The following FAM200B variants were observed in gnomAD, a reference collection of about 807,000 sequenced individuals.
The protein encoded by FAM200B is zinc finger BED-type containing 11, also known as protein FAM200B.
In FAM200B, 32 loss-of-function variants were observed where a neutral mutation model predicts 33.1. That is an observed-to-expected ratio of 0.97 (90% CI 0.73 to 1.30). The LOEUF (loss-of-function observed/expected upper bound fraction) is 1.30, where lower values mean the gene tolerates loss of function less well. Ranked by LOEUF, FAM200B falls within the 50% of genes most tolerant of loss-of-function variation. The probability of loss-of-function intolerance (pLI) is 0.00; values close to 1 mark genes in which losing one functional copy is unlikely to be tolerated. For missense variants in FAM200B, 741 were observed against 754.0 expected, an observed-to-expected ratio of 0.98 and a Z score of 0.20; for synonymous variants, 240 against 264.8, an observed-to-expected ratio of 0.91 and a Z score of 0.91.
At chr4:15,675,835 G>A in the FAM200B span, among the ~76,000 whole-genome samples, 2 of 151,948 alleles carry the variant, frequency 1.3e-5, no homozygotes, top group African/African-American at 2.4e-5. Context: ...CGCCTGCCTC[G>A]GCCTCCCAAA....
At chr4:15,673,538 T>C in the FAM200B span, among the ~76,000 whole-genome samples, 2 of 152,184 alleles carry the variant, frequency 1.3e-5, no homozygotes, top group Admixed American at 6.5e-5. Flanking sequence ...ATCTATGACA[T>C]CACTAGGTGG....
In FAM200B at chr4:15,689,255, G is replaced by T; in HGVS notation, c.*304G>T. The T allele has an allele frequency of 4.7e-6, 1 of 214,528 alleles. No individual in the cohort carries two copies. The allele number at this position is 214,528 out of a possible 1,614,324, so 13.3% of individuals were successfully genotyped here. A position where few individuals can be genotyped will look rare whatever the true frequency, so the allele number is the denominator to read the frequency against. On this transcript the variant is annotated 3_prime_UTR_variant, in exon 2 of 2. Coordinates refer to ENST00000422728, the MANE Select transcript of FAM200B (RefSeq NM_001145191.2). Reference sequence around the variant, plus strand: ...TAATAAATAAGGTTTATAATATTTAGAAGCTATTAAGTGCTATGGAAAGAG... The same window carrying T: ...TAATAAATAAGGTTTATAATATTTATAAGCTATTAAGTGCTATGGAAAGAG...
chr4:15,683,135 T>C (rs1718497643), intron 1 of FAM200B, among the ~76,000 whole-genome samples: 1 of 152,212 alleles, frequency 6.6e-6, no homozygotes, highest in Non-Finnish European at 1.5e-5. Flanking sequence ...AATCATTGCA[T>C]TAAGCAAGTA....
At chr4:15,662,496 A>G in the FAM200B span, among the ~76,000 whole-genome samples, 5 of 152,210 alleles carry the variant, frequency 3.3e-5, no homozygotes, top group African/African-American at 1.2e-4. Context: ...CTATCTTTTA[A>G]TATTGCTATA....
the FAM200B span, among the ~76,000 whole-genome samples, chr4:15,647,127 A>AC: frequency 1.3e-5 from 2 of 149,702 alleles, no homozygotes; most frequent in Non-Finnish European, 3.0e-5. Flanking sequence ...GGAGGCTGAG[A>AC]CAGGAGAATC....
chr4:15,647,457 G>C, the FAM200B span, among the ~76,000 whole-genome samples: 1 of 152,014 alleles, frequency 6.6e-6, no homozygotes, highest in Non-Finnish European at 1.5e-5. Flanking sequence ...TGGGTGTCCT[G>C]AAAACAATCT....
chr4:15,655,613 G>C, the FAM200B span, among the ~76,000 whole-genome samples: 295 of 152,326 alleles, frequency 1.9e-3, 1 homozygote, highest in African/African-American at 7.0e-3. Flanking sequence ...AGTAGCTGAG[G>C]GTAGGGGAAA....
Position 15,687,931 on chromosome 4 carries a change from TA to T in FAM200B, c.956del (p.Asn319MetfsTer15), listed in dbSNP as rs2148865077. ...VIKKLLEVTN[N>X]GAVWNHCFIH... ...TTAAAAAATTACTAGAAGTTACTAA[TA>T]ATGGTGCTGTGTGGAATCATTGTTT... is the stretch of plus-strand genomic sequence containing the variant. On this transcript the variant is annotated frameshift_variant, in exon 2 of 2. Transcript: ENST00000422728. LOFTEE classifies it high-confidence loss of function. 3.2e-6 allele frequency: 5 copies of T among 1,551,036 alleles called. No homozygotes were observed. Among genetic ancestry groups the T allele is most frequent in the Non-Finnish European group, 4.4e-6 (5 of 1,146,536 alleles).
the FAM200B span, among the ~76,000 whole-genome samples, chr4:15,672,015 G>T: frequency 1.3e-5 from 2 of 152,134 alleles, no homozygotes; most frequent in African/African-American, 4.8e-5. Flanking sequence ...ATCCTTGCTA[G>T]TTTGGAGATT....
chr4:15,650,749 T>C, the FAM200B span, among the ~76,000 whole-genome samples: 1 of 146,586 alleles, frequency 6.8e-6, no homozygotes, highest in East Asian at 2.0e-4. Flanking sequence ...AATTCTGCCT[T>C]AGCCTCCTGA....
At chr4:15,674,672 C>CA in the FAM200B span, among the ~76,000 whole-genome samples, 1 of 147,156 alleles carries the variant, frequency 6.8e-6, no homozygotes, top group East Asian at 2.0e-4. Context: ...TTTTTTGAGA[C>CA]AGAGTCTCAC....
intron 1 of FAM200B, among the ~76,000 whole-genome samples, chr4:15,683,262 C>G (rs1231861104): frequency 6.6e-6 from 1 of 152,102 alleles, no homozygotes; most frequent in East Asian, 1.9e-4. Flanking sequence ...ACATTTTCTA[C>G]TTCGGCCTCT....
chr4:15,649,578 C>CAAAAAAAA, the FAM200B span, among the ~76,000 whole-genome samples: 7 of 81,278 alleles, frequency 8.6e-5, no homozygotes, highest in African/African-American at 1.8e-4. Flanking sequence ...GACTACGTCT[C>CAAAAAAAA]AAAAAAAAAA....
the FAM200B span, among the ~76,000 whole-genome samples, chr4:15,666,871 TA>T: frequency 6.5e-4 from 95 of 145,718 alleles, no homozygotes; most frequent in East Asian, 9.9e-4. Flanking sequence ...GTCCCACCAT[TA>T]AAAAAAAAAA....
At chr4:15,679,101 T>G (rs1021034796), upstream of FAM200B, among the ~76,000 whole-genome samples, 20 of 142,952 alleles carry the variant, frequency 1.4e-4, no homozygotes, top group African/African-American at 5.2e-4. Context: ...AGTCTCACTC[T>G]CACCAGGCTG....
Position 15,687,896 on chromosome 4 carries a change from A to C in FAM200B, c.919A>C (p.Ser307Arg). 6.4e-7 allele frequency: 1 copy of C among 1,550,968 alleles called. No homozygotes were observed. The highest frequency in any genetic ancestry group is 8.7e-7 in the Non-Finnish European group (1 of 1,146,456). Residue 307 changes from serine to arginine, a missense_variant, in exon 2 of 2, where the codon AGC becomes CGC. Ser to Arg is a moderately radical substitution (Grantham distance 110, BLOSUM62 -1). Transcript: ENST00000422728. ...CACAGCAACCATGACTGGAAAACAT[A>C]GCAGAGTAATTAAAAAATTACTAGA... ...DGTATMTGKH[S>R]RVIKKLLEVT...
At chr4:15,678,998 C>T (rs1178639292), upstream of FAM200B, among the ~76,000 whole-genome samples, 2 of 152,068 alleles carry the variant, frequency 1.3e-5, no homozygotes, top group South Asian at 4.2e-4. Context: ...TGATAATAGT[C>T]TCTGTCCCTA....
chr4:15,668,042 TAAA>T, the FAM200B span, among the ~76,000 whole-genome samples: 1 of 132,472 alleles, frequency 7.5e-6, no homozygotes. Context: ...ACTCTATCTC[TAAA>T]AAAAAAAAAA....
the FAM200B span, among the ~76,000 whole-genome samples, chr4:15,643,570 TA>T: frequency 0.63 from 96,431 of 151,912 alleles, 30,729 homozygotes; most frequent in Non-Finnish European, 0.65. Flanking sequence ...TATGTCTGGC[TA>T]AATTTTTATA....
Sources: gnomAD v4.1 joint callset for allele counts (sites outside exome capture counted in the v4.1 genomes callset) on GRCh38, gnomAD v4.1.1 for gene constraint, MANE v1.5 for transcripts, NCBI Gene and HGNC (gene_info 2026-07-23, HGNC 2026-07-21) for gene names.